The following YAP1 variants were observed in gnomAD, a reference collection of about 807,000 sequenced individuals.
YAP1 encodes the protein Yes1 associated transcriptional regulator.
A neutral mutation model predicts 56.9 loss-of-function variants in YAP1; 5 were observed. That is an observed-to-expected ratio of 0.09 (90% CI 0.05 to 0.18). The LOEUF is 0.18. YAP1 is among the 10% of genes least tolerant of loss of function. The pLI is 1.00. For synonymous variants in YAP1, 265 were observed against 248.1 expected, an observed-to-expected ratio of 1.07 and a Z score of -0.64; for missense variants, 539 against 651.8, an observed-to-expected ratio of 0.83 and a Z score of 1.88.
chr11:102,163,424 C>A (rs187548142), intron 3 of YAP1, among the ~76,000 whole-genome samples: 5 of 152,242 alleles, frequency 3.3e-5, no homozygotes, highest in Admixed American at 1.3e-4. Flanking sequence ...CCATTATGTA[C>A]CTTTGTACAT....
intron 2 of YAP1, among the ~76,000 whole-genome samples, chr11:102,118,190 C>T (rs978943155): frequency 1.3e-5 from 2 of 152,114 alleles, no homozygotes; most frequent in Non-Finnish European, 2.9e-5. Flanking sequence ...TAATAATGTT[C>T]TAATAATTTT....
In YAP1 at chr11:102,205,547, A is replaced by C. The variant is rs1158105325; in HGVS notation, c.803-346A>C. On this transcript the variant is annotated intron_variant, in intron 4 of 8. Transcript: ENST00000282441. ...ATTCATCAATTTTTATATCCTCTGA[A>C]TATGCAATATATTCACCCCCGCTCC... Among the ~76,000 whole-genome samples, 130 of 151,990 alleles carry C rather than the reference A, an allele frequency of 8.6e-4. 2 individuals carry two copies. The highest frequency in any genetic ancestry group is 8.4e-3 in the Admixed American group (128 of 15,272).
intron 4 of YAP1, chr11:102,186,347 G>C: frequency 6.4e-6 from 3 of 468,412 alleles, no homozygotes; most frequent in South Asian, 2.5e-5. Flanking sequence ...CTCAGGTTGG[G>C]GTGGGGGAAT....
chr11:102,148,726 G>C (rs1945463882), intron 2 of YAP1, among the ~76,000 whole-genome samples: 1 of 152,036 alleles, frequency 6.6e-6, no homozygotes. Context: ...GTCTGTTCTT[G>C]GTCATTATAT....
Position 102,111,161 on chromosome 11 carries a change from T to G in YAP1, c.313T>G (p.Ser105Ala). Reference sequence around the variant, plus strand: ...CAAGCCGCCGGAGCCCAAATCCCACTCCCGACAGGTAACCTCGTTGCCCCT... The same window carrying G: ...CAAGCCGCCGGAGCCCAAATCCCACGCCCGACAGGTAACCTCGTTGCCCCT... Reference protein sequence around the residue: ...FFKPPEPKSHSRQASTDAGTA... With the variant: ...FFKPPEPKSHARQASTDAGTA... The change falls in exon 1 of 9, where the codon TCC becomes GCC. Residue 105 changes from serine to alanine, a missense_variant. Ser to Ala is a moderately conservative substitution (Grantham distance 99, BLOSUM62 1). Transcript: ENST00000282441. 1 of 1,612,294 alleles carries G rather than the reference T, an allele frequency of 6.2e-7. No individual in the cohort carries two copies. Among genetic ancestry groups the G allele is most frequent in the Non-Finnish European group, 8.5e-7 (1 of 1,179,568 alleles).
intron 2 of YAP1, among the ~76,000 whole-genome samples, chr11:102,123,764 C>G (rs1294974604): frequency 6.6e-6 from 1 of 150,594 alleles, no homozygotes; most frequent in Non-Finnish European, 1.5e-5. Flanking sequence ...CTCAGCCTCC[C>G]GAGTAGCTGG....
intron 2 of YAP1, among the ~76,000 whole-genome samples, chr11:102,149,072 A>G (rs192749338): frequency 1.3e-5 from 2 of 152,314 alleles, no homozygotes; most frequent in African/African-American, 4.8e-5. Context: ...TGTTGGTTAC[A>G]GTTTGAAATA....
intron 6 of YAP1, among the ~76,000 whole-genome samples, chr11:102,212,970 CTG>C (rs1949482041): frequency 6.6e-6 from 1 of 152,216 alleles, no homozygotes; most frequent in Non-Finnish European, 1.5e-5. Context: ...CTTTCTGAAA[CTG>C]TAAACATCTT....
At chr11:102,227,251 A>C (rs1380424099) in intron 7 of YAP1, among the ~76,000 whole-genome samples, 1 of 152,170 alleles carries the variant, frequency 6.6e-6, no homozygotes, top group Admixed American at 6.5e-5. Context: ...GGTTCCTTAG[A>C]GCTGCCAGCT....
intron 4 of YAP1, chr11:102,186,630 T>A (rs1424664602): frequency 1.3e-5 from 2 of 152,696 alleles, no homozygotes; most frequent in Non-Finnish European, 2.9e-5. Context: ...AGTGAAAGCA[T>A]TTTGCCCCCT....
At chr11:102,125,722 A>T (rs1943997028) in intron 2 of YAP1, among the ~76,000 whole-genome samples, 1 of 151,940 alleles carries the variant, frequency 6.6e-6, no homozygotes, top group Non-Finnish European at 1.5e-5. Flanking sequence ...TTCTGAGCTC[A>T]TTGTTTATTA....
intron 2 of YAP1, among the ~76,000 whole-genome samples, chr11:102,151,599 T>C (rs1286005318): frequency 6.6e-6 from 1 of 152,234 alleles, no homozygotes; most frequent in East Asian, 1.9e-4. Flanking sequence ...TATGGATCTT[T>C]CCCACTAGAA....
At chr11:102,161,162 G>A (rs1333473335) in intron 2 of YAP1, among the ~76,000 whole-genome samples, 2 of 142,434 alleles carry the variant, frequency 1.4e-5, no homozygotes, top group African/African-American at 5.2e-5. Context: ...CCAGGTTCTC[G>A]CCATTCTCCT....
At chr11:102,133,942 G>C (rs1022932047) in intron 2 of YAP1, among the ~76,000 whole-genome samples, 1 of 152,118 alleles carries the variant, frequency 6.6e-6, no homozygotes, top group Non-Finnish European at 1.5e-5. Flanking sequence ...ACCGCTTTTT[G>C]TACATACAGT....
Position 102,134,831 on chromosome 11 carries a change from C to T in YAP1, c.572+20437C>T, listed in dbSNP as rs1386440603. Among the ~76,000 whole-genome samples, 8 of 152,132 alleles carry T rather than the reference C, an allele frequency of 5.3e-5. No homozygotes were observed. In the East Asian group the frequency reaches 1.5e-3, roughly 29 times the overall value. On this transcript the variant is annotated intron_variant, in intron 2 of 8. Coordinates refer to ENST00000282441, the MANE Select transcript of YAP1 (RefSeq NM_001130145.3). ...TGAAGCGATCCTCTGGCCTCAGCCTCCTGAGTAGCTGGGATTGCAGGTACA... is the reference window on the plus strand; with the variant it reads ...TGAAGCGATCCTCTGGCCTCAGCCTTCTGAGTAGCTGGGATTGCAGGTACA...
At chr11:102,144,649 T>C (rs1439060747) in intron 2 of YAP1, among the ~76,000 whole-genome samples, 1 of 152,216 alleles carries the variant, frequency 6.6e-6, no homozygotes, top group African/African-American at 2.4e-5. Context: ...TCACTTGATA[T>C]GGCATCTCAT....
chr11:102,116,864 A>G (rs1591110400), intron 2 of YAP1, among the ~76,000 whole-genome samples: 2 of 152,332 alleles, frequency 1.3e-5, no homozygotes, highest in South Asian at 4.1e-4. Context: ...CAATAAATGT[A>G]GGTAAAATCA....
chr11:102,210,645 C>G (rs1182268200), intron 6 of YAP1, among the ~76,000 whole-genome samples: 1 of 152,180 alleles, frequency 6.6e-6, no homozygotes, highest in Non-Finnish European at 1.5e-5. Context: ...CACTAATATA[C>G]CATTTGACTG....
At chr11:102,114,458 AGTG>A (rs1943153041) in intron 2 of YAP1, 64 bp downstream of exon 2, 3 of 1,548,968 alleles carry the variant, frequency 1.9e-6, no homozygotes, top group South Asian at 1.2e-5. Context: ...AACACAGTAA[AGTG>A]GTGTCAAGAT....
Sources: gnomAD v4.1 joint callset for allele counts (sites outside exome capture counted in the v4.1 genomes callset) on GRCh38, gnomAD v4.1.1 for gene constraint, MANE v1.5 for transcripts, NCBI Gene and HGNC (gene_info 2026-07-23, HGNC 2026-07-21) for gene names.